Variants in GRM1 observed in about 807,000 individuals in gnomAD.
GRM1 encodes metabotropic glutamate receptor 1.
GRM1 carries 33 observed loss-of-function variants against 90.9 expected under a neutral mutation model. The observed-to-expected ratio is 0.36, with a 90% CI of 0.28 to 0.49. GRM1 has a LOEUF of 0.49. Among genes scored for constraint, GRM1 ranks in the 20% least tolerant of loss-of-function variants. The probability of loss-of-function intolerance (pLI) is 0.99; values close to 1 mark genes in which losing one functional copy is unlikely to be tolerated. For missense variants in GRM1, 1,190 were observed against 1,534.3 expected, an observed-to-expected ratio of 0.78 and a Z score of 3.75; for synonymous variants, 700 against 613.2, an observed-to-expected ratio of 1.14 and a Z score of -2.09.
rs1048015541 is a variant in GRM1, at chr6:146,437,593, T to C, written c.*2797T>C. The C allele has an allele frequency of 6.6e-6, 1 of 152,660 alleles. No individual in the cohort carries two copies. Among genetic ancestry groups the C allele is most frequent in the African/African-American group, 2.4e-5 (1 of 41,464 alleles). The allele number at this position is 152,660 out of a possible 1,614,324, so 9.5% of individuals were successfully genotyped here. On this transcript the variant is annotated 3_prime_UTR_variant, in exon 8 of 8. Coordinates refer to ENST00000282753, the MANE Select transcript of GRM1 (RefSeq NM_001278064.2). Reference sequence around the variant, plus strand: ...AATGCTGTATAATAAATATTTTCTATTTATTAAATGTGTATGTTCTTTCTC... The same window carrying C: ...AATGCTGTATAATAAATATTTTCTACTTATTAAATGTGTATGTTCTTTCTC...
chr6:146,277,724 G>T (rs1159360965), intron 2 of GRM1, among the ~76,000 whole-genome samples: 1 of 152,126 alleles, frequency 6.6e-6, no homozygotes, highest in Non-Finnish European at 1.5e-5. Context: ...AACTGTGAAT[G>T]TTAACAGTTG....
At chr6:146,136,676 A>G (rs1175860375) in intron 1 of GRM1, among the ~76,000 whole-genome samples, 1 of 152,098 alleles carries the variant, frequency 6.6e-6, no homozygotes, top group Non-Finnish European at 1.5e-5. Context: ...ATGGTGATTA[A>G]TCCCTTGTCA....
intron 1 of GRM1, among the ~76,000 whole-genome samples, chr6:146,114,146 A>G (rs1775658927): frequency 6.6e-6 from 1 of 152,170 alleles, no homozygotes; most frequent in South Asian, 2.1e-4. Flanking sequence ...CTACATCGAG[A>G]ATTTGGAAAA....
intron 5 of GRM1, among the ~76,000 whole-genome samples, chr6:146,372,490 T>G (rs1316865997): frequency 6.6e-6 from 1 of 152,124 alleles, no homozygotes; most frequent in Non-Finnish European, 1.5e-5. Flanking sequence ...TGTCCATTTT[T>G]GCTTTGGATG....
Position 146,434,720 on chromosome 6 carries a change from T to A in GRM1, c.3509T>A (p.Val1170Glu), listed in dbSNP as rs144129140. ...CCCAGCTCCCCCGTGTCCGAGTCGG[T>A]GCTCTGCACCCCTCCCAACGTATCC... ...SVPSSPVSES[V>E]LCTPPNVSYA... The change falls in exon 8 of 8, where the codon GTG (valine) becomes GAG (glutamate). Residue 1170 changes from valine to glutamate, a missense_variant. Physicochemically the swap from Val to Glu is moderately radical, Grantham distance 121. This residue lies in a region of GRM1 where 48 missense variants were observed against 48.5 expected (regional missense o/e 0.99). Coordinates refer to ENST00000282753, the MANE Select transcript of GRM1 (RefSeq NM_001278064.2). The A allele has an allele frequency of 3.7e-6, 6 of 1,601,742 alleles. No individual in the cohort carries two copies. The highest frequency in any genetic ancestry group is 4.2e-6 in the Non-Finnish European group (5 of 1,179,934).
intron 1 of GRM1, among the ~76,000 whole-genome samples, chr6:146,150,989 TC>T (rs1777313893): frequency 6.6e-6 from 1 of 151,604 alleles, no homozygotes; most frequent in Admixed American, 6.6e-5. Context: ...TATCCATTCA[TC>T]CCAGTGAAAT....
chr6:146,085,399 G>A (rs1049852488), intron 1 of GRM1, among the ~76,000 whole-genome samples: 3 of 152,016 alleles, frequency 2.0e-5, no homozygotes, highest in Non-Finnish European at 2.9e-5. Flanking sequence ...ACCAGTTTTC[G>A]GAGAAGAAAT....
At chr6:146,083,538 T>C (rs1040675393) in intron 1 of GRM1, among the ~76,000 whole-genome samples, 4 of 152,240 alleles carry the variant, frequency 2.6e-5, no homozygotes, top group African/African-American at 9.6e-5. Context: ...ATTGTATTTA[T>C]TGATTTGTGC....
intron 2 of GRM1, among the ~76,000 whole-genome samples, chr6:146,182,030 G>A (rs931453286): frequency 3.6e-4 from 54 of 152,000 alleles, no homozygotes; most frequent in African/African-American, 1.2e-3. Flanking sequence ...GTTGTGAAAG[G>A]TTATGTCAAA....
chr6:146,415,451 A>C (rs74592898), intron 7 of GRM1, among the ~76,000 whole-genome samples: 1,958 of 152,302 alleles, frequency 0.013, 48 homozygotes, highest in African/African-American at 0.045. Flanking sequence ...TCACCCAGAT[A>C]AATTTTTGAA....
At chr6:146,191,136 T>A in intron 2 of GRM1, among the ~76,000 whole-genome samples, 1 of 152,166 alleles carries the variant, frequency 6.6e-6, no homozygotes, top group East Asian at 1.9e-4. Flanking sequence ...TTCAGGAAGC[T>A]TCATTGATTC....
chr6:146,354,390 A>G (rs1562632957), intron 4 of GRM1, among the ~76,000 whole-genome samples: 3 of 152,240 alleles, frequency 2.0e-5, no homozygotes, highest in South Asian at 4.1e-4. Context: ...TGATTCCCAA[A>G]GATAACATAC....
At chr6:146,185,085 G>C (rs1010456855) in intron 2 of GRM1, among the ~76,000 whole-genome samples, 21 of 152,094 alleles carry the variant, frequency 1.4e-4, no homozygotes, top group African/African-American at 5.1e-4. Flanking sequence ...TCTTTAAAAA[G>C]GAGGTAACCC....
In GRM1 at chr6:146,159,413, G is replaced by C; in HGVS notation, c.766G>C (p.Ala256Pro). Reference protein sequence around the residue: ...ELAAQEGLCIAHSDKIYSNAG... With the variant: ...ELAAQEGLCIPHSDKIYSNAG... ...GGCTGCCCAGGAAGGCCTCTGTATC[G>C]CCCATTCTGACAAAATCTACAGCAA... is the stretch of plus-strand genomic sequence containing the variant. Residue 256 changes from alanine (A) to proline (P), a missense_variant, in exon 2 of 8, where the codon GCC becomes CCC. Physicochemically the swap from Ala to Pro is conservative, Grantham distance 27. Transcript: ENST00000282753. 6.2e-7 allele frequency: 1 copy of C among 1,614,150 alleles called. No homozygotes were observed.
At chr6:146,410,753 G>A (rs1344650133) in intron 7 of GRM1, among the ~76,000 whole-genome samples, 1 of 152,112 alleles carries the variant, frequency 6.6e-6, no homozygotes, top group Admixed American at 6.5e-5. Flanking sequence ...ACGATGTAAA[G>A]AGATTTGGAG....
intron 1 of GRM1, among the ~76,000 whole-genome samples, chr6:146,072,329 A>G (rs186903561): frequency 1.3e-5 from 2 of 152,154 alleles, no homozygotes; most frequent in African/African-American, 4.8e-5. Context: ...AAAATGACCA[A>G]GATAATATCT....
At chr6:146,228,935 A>G (rs533694348) in intron 2 of GRM1, among the ~76,000 whole-genome samples, 1 of 152,274 alleles carries the variant, frequency 6.6e-6, no homozygotes, top group African/African-American at 2.4e-5. Flanking sequence ...ATCTTTGTTT[A>G]TAGTTTCTGT....
intron 3 of GRM1, among the ~76,000 whole-genome samples, chr6:146,322,847 T>C (rs918923264): frequency 1.3e-5 from 2 of 151,410 alleles, no homozygotes; most frequent in African/African-American, 2.4e-5. Flanking sequence ...AGTGAGAACA[T>C]GTGGTGTTTG....
chr6:146,364,004 T>C (rs1428662549), intron 5 of GRM1, among the ~76,000 whole-genome samples: 2 of 152,188 alleles, frequency 1.3e-5, no homozygotes, highest in Non-Finnish European at 2.9e-5. Context: ...GGGAAGAGGA[T>C]AGACGACGCA....
Sources: allele counts gnomAD v4.1 joint callset (sites outside exome capture counted in the v4.1 genomes callset), GRCh38; gene constraint gnomAD v4.1.1; regional missense constraint gnomAD v4.1.1; transcripts MANE v1.5; gene names NCBI Gene and HGNC (gene_info 2026-07-23, HGNC 2026-07-21).